The following FAM174B variants were observed in gnomAD, a reference collection of about 807,000 sequenced individuals.
FAM174B encodes membrane protein FAM174B.
A neutral mutation model predicts 10.9 loss-of-function variants in FAM174B; 12 were observed. The observed-to-expected ratio is 1.10, with a 90% CI of 0.71 to 1.79. The LOEUF (loss-of-function observed/expected upper bound fraction) is 1.79, where lower values mean the gene tolerates loss of function less well. FAM174B is among the 40% of genes most tolerant of loss of function. The pLI, the probability that FAM174B is intolerant of heterozygous loss-of-function variation, is 0.00. For synonymous variants in FAM174B, 132 were observed against 115.8 expected, an observed-to-expected ratio of 1.14 and a Z score of -0.90; for missense variants, 266 against 233.3, an observed-to-expected ratio of 1.14 and a Z score of -0.91.
At chr15:92,654,152 T>C (rs951829100) in intron 1 of FAM174B, among the ~76,000 whole-genome samples, 2 of 152,224 alleles carry the variant, frequency 1.3e-5, no homozygotes, top group East Asian at 3.9e-4. Context: ...AGAAAACACC[T>C]GGACTCAAAG....
At chr15:92,630,396 C>T (rs1596296386) in intron 1 of FAM174B, 51 bp from the exon 2 acceptor site, 1 of 1,550,524 alleles carries the variant, frequency 6.4e-7, no homozygotes, top group African/African-American at 1.4e-5. Context: ...GAGAAAGAGT[C>T]ACTGGGCCCC....
At chr15:92,621,627 G>T (rs1008816650) in intron 2 of FAM174B, among the ~76,000 whole-genome samples, 2 of 149,830 alleles carry the variant, frequency 1.3e-5, no homozygotes, top group Non-Finnish European at 3.0e-5. Flanking sequence ...AAAAAAAATT[G>T]AGTATCTTCA....
chr15:92,623,650 G>C (rs2050734367), intron 2 of FAM174B, among the ~76,000 whole-genome samples: 1 of 152,198 alleles, frequency 6.6e-6, no homozygotes, highest in Non-Finnish European at 1.5e-5. Flanking sequence ...AGTAGCGTCT[G>C]GCACCCTGGC....
rs771142633 is a variant in FAM174B at position 92,630,349 on chromosome 15, CAGG to C, written c.345-7_345-5del. 2.8e-5 allele frequency: 45 copies of C among 1,607,812 alleles called. No homozygotes were observed. In the African/African-American group the frequency reaches 4.7e-4, roughly 17 times the overall value. ...CTTCTTTAACCTCTTTCCCGACCTG[CAGG>C]AGAAGAAGCACATTCATGAGAACAC... On this transcript the variant is annotated splice_polypyrimidine_tract_variant and splice_region_variant and intron_variant, in intron 1 of 2. Coordinates refer to ENST00000327355, the MANE Select transcript of FAM174B (RefSeq NM_207446.3).
chr15:92,654,415 G>A (rs1264360394), intron 1 of FAM174B, among the ~76,000 whole-genome samples: 1 of 152,158 alleles, frequency 6.6e-6, no homozygotes, highest in Non-Finnish European at 1.5e-5. Context: ...TTCATTTCCT[G>A]CAAAAACAGG....
intron 1 of FAM174B, among the ~76,000 whole-genome samples, chr15:92,645,211 T>C (rs285769): frequency 0.95 from 144,579 of 152,310 alleles, 69,104 homozygotes; most frequent in East Asian, 1. Context: ...CTAAGGAGTA[T>C]TGACCATTAT....
chr15:92,622,341 C>A (rs1361311838), intron 2 of FAM174B, among the ~76,000 whole-genome samples: 1 of 152,250 alleles, frequency 6.6e-6, no homozygotes, highest in Non-Finnish European at 1.5e-5. Context: ...CACACCAACG[C>A]CTGCCCAGGT....
intron 1 of FAM174B, among the ~76,000 whole-genome samples, chr15:92,652,062 A>G (rs1420850316): frequency 6.6e-6 from 1 of 152,238 alleles, no homozygotes; most frequent in Non-Finnish European, 1.5e-5. Context: ...CTAGTCTAGC[A>G]CATTTTGAGA....
intron 1 of FAM174B, among the ~76,000 whole-genome samples, chr15:92,635,171 ACACACAC>A (rs2050846919): frequency 7.7e-6 from 1 of 129,414 alleles, no homozygotes; most frequent in African/African-American, 3.5e-5. Flanking sequence ...ACACACACCC[ACACACAC>A]ACACACACAC....
intron 1 of FAM174B, among the ~76,000 whole-genome samples, chr15:92,647,607 G>A (rs2050937315): frequency 6.6e-6 from 1 of 152,248 alleles, no homozygotes; most frequent in East Asian, 1.9e-4. Context: ...ATGAAATAGA[G>A]ATCATAAGAC....
At chr15:92,626,630 C>T (rs923817924) in intron 2 of FAM174B, among the ~76,000 whole-genome samples, 9 of 152,066 alleles carry the variant, frequency 5.9e-5, no homozygotes, top group African/African-American at 1.4e-4. Flanking sequence ...GGGTTCTTTA[C>T]GGCCGATGGT....
chr15:92,639,709 G>C (rs1290027700), intron 1 of FAM174B, among the ~76,000 whole-genome samples: 1 of 152,040 alleles, frequency 6.6e-6, no homozygotes, highest in Non-Finnish European at 1.5e-5. Flanking sequence ...ATAGTGAGTG[G>C]GTGAGTGCCT....
chr15:92,635,159 CCACACACACCCACACACACACACA>C (rs1165322779), intron 1 of FAM174B, among the ~76,000 whole-genome samples: 1 of 20,968 alleles, frequency 4.8e-5, no homozygotes, highest in African/African-American at 7.9e-5. Flanking sequence ...CACTATCTCT[CCACACACACCCACACACACACACA>C]CACACACACA....
At chr15:92,646,208 T>C (rs2050926272) in intron 1 of FAM174B, among the ~76,000 whole-genome samples, 1 of 152,214 alleles carries the variant, frequency 6.6e-6, no homozygotes, top group South Asian at 2.1e-4. Context: ...TGGTACAACC[T>C]GATCTGGACC....
intron 2 of FAM174B, among the ~76,000 whole-genome samples, chr15:92,623,156 CAAA>C (rs1009362237): frequency 7.2e-6 from 1 of 139,290 alleles, no homozygotes; most frequent in Non-Finnish European, 1.6e-5. Context: ...GACTCCATCT[CAAA>C]AAAAAAAAAG....
intron 2 of FAM174B, among the ~76,000 whole-genome samples, chr15:92,626,603 T>C (rs1207585962): frequency 6.6e-6 from 1 of 152,122 alleles, no homozygotes; most frequent in Non-Finnish European, 1.5e-5. Flanking sequence ...GCATGGAGAC[T>C]GGTCAGTGGG....
chr15:92,650,712 C>G (rs1215081788), intron 1 of FAM174B, among the ~76,000 whole-genome samples: 1 of 152,204 alleles, frequency 6.6e-6, no homozygotes, highest in East Asian at 1.9e-4. Flanking sequence ...TGTGTATTAT[C>G]CTGAATCCAT....
intron 2 of FAM174B, among the ~76,000 whole-genome samples, chr15:92,626,243 C>T (rs1467544948): frequency 1.3e-5 from 2 of 151,088 alleles, no homozygotes; most frequent in African/African-American, 2.4e-5. Flanking sequence ...GGACTACAGG[C>T]GCCAGCCACC....
chr15:92,628,114 A>T (rs2050765642), intron 2 of FAM174B, among the ~76,000 whole-genome samples: 1 of 151,960 alleles, frequency 6.6e-6, no homozygotes. Context: ...TAGTTGTTAC[A>T]CTGTATTGTC....
Sources: gnomAD v4.1 joint callset for allele counts (sites outside exome capture counted in the v4.1 genomes callset) on GRCh38, gnomAD v4.1.1 for gene constraint, MANE v1.5 for transcripts, NCBI Gene and HGNC (gene_info 2026-07-23, HGNC 2026-07-21) for gene names.